CAMKK2: variants seen among roughly 807,000 people sequenced by gnomAD.
The protein encoded by CAMKK2 is calcium/calmodulin-dependent protein kinase kinase 2.
Under a neutral mutation model 67.2 loss-of-function variants are expected in CAMKK2, and 30 were observed. That is an observed-to-expected ratio of 0.45 (90% confidence interval 0.33 to 0.61). The LOEUF (loss-of-function observed/expected upper bound fraction) is 0.61, where lower values mean the gene tolerates loss of function less well. Ranked by LOEUF, CAMKK2 falls within the 20% of genes least tolerant of loss-of-function variation. The probability of loss-of-function intolerance (pLI) is 0.02; values close to 1 mark genes in which losing one functional copy is unlikely to be tolerated. For synonymous variants in CAMKK2, 322 were observed against 326.2 expected (o/e 0.99, Z 0.14); for missense variants, 643 against 802.0 (o/e 0.80, Z 2.39).
chr12:121,240,622 ATGCTGCTATGGAAACGCGG>A lies in CAMKK2; in HGVS notation c.*58_*76del. The A allele has an allele frequency of 4.6e-6, 7 of 1,534,810 alleles. No individual in the cohort carries two copies. The highest frequency in any genetic ancestry group is 5.2e-6 in the Non-Finnish European group (6 of 1,146,688). On this transcript the variant is annotated 3_prime_UTR_variant, in exon 17 of 17. Transcript: ENST00000404169. This position sits in a 1 kb window ranked among gnomAD's most constrained non-coding sequence, Gnocchi z 4.4. The stretch of plus-strand genomic sequence containing the variant: ...CACACGTGCTGGGTTTCCGTAGGAC[ATGCTGCTATGGAAACGCGG>A]TGCAGCAGCCCCCCAGAGGCGACGC...
In CAMKK2 at chr12:121,270,958, G is replaced by A. The variant is rs1223727449; in HGVS notation, c.472-13C>T. On this transcript the variant is annotated splice_polypyrimidine_tract_variant and intron_variant, in intron 2 of 16. Coordinates refer to ENST00000404169, the MANE Select transcript of CAMKK2 (RefSeq NM_001270485.2). ...GCTGCACACAGTCCTAGAGAGTAAG[G>A]AGAGACACGTGCAAAATGAATTTTA... is the stretch of plus-strand genomic sequence containing the variant. 2 of 1,611,290 alleles carry A rather than the reference G, an allele frequency of 1.2e-6. No individual in the cohort carries two copies. Among genetic ancestry groups the A allele is most frequent in the Non-Finnish European group, 1.7e-6 (2 of 1,177,764 alleles).
intron 1 of CAMKK2, among the ~76,000 whole-genome samples, chr12:121,288,298 C>T (rs575491833): frequency 3.0e-4 from 45 of 152,334 alleles, no homozygotes; most frequent in Admixed American, 1.6e-3. Context: ...CCACAGGCAT[C>T]GGTGCCTGGG....
chr12:121,244,450 G>C lies in CAMKK2; in HGVS notation c.1596+123C>G, dbSNP rs1011856496. ...GGGTCTGGAGGCCCGCGGTGAGCCG[G>C]GCCACAGCAGCCCAGGCTGGAAGGA... On this transcript the variant is annotated intron_variant, in intron 16 of 16. Transcript: ENST00000404169. The C allele has an allele frequency of 1.0e-5, 10 of 958,864 alleles. No individual in the cohort carries two copies. The Admixed American group carries it at 2.3e-4, about 22-fold the overall frequency. 59.4% of individuals were successfully genotyped at this position (958,864 alleles called of 1,614,324 possible). A position where few individuals can be genotyped will look rare whatever the true frequency, so the allele number is the denominator to read the frequency against.
chr12:121,256,697 G>A (rs563175642), intron 7 of CAMKK2, among the ~76,000 whole-genome samples: 18 of 152,226 alleles, frequency 1.2e-4, no homozygotes, highest in South Asian at 6.2e-4. Flanking sequence ...TCATTAGCAC[G>A]TTTTTAAGGT....
At chr12:121,284,204 T>A (rs1415112974) in intron 1 of CAMKK2, among the ~76,000 whole-genome samples, 1 of 152,286 alleles carries the variant, frequency 6.6e-6, no homozygotes, top group Non-Finnish European at 1.5e-5. Context: ...GACCATTTCA[T>A]TCCACCAATG....
intron 5 of CAMKK2, among the ~76,000 whole-genome samples, 180 bp from the exon 6 acceptor site, chr12:121,264,119 G>A (rs1195292208): frequency 1.3e-5 from 2 of 152,172 alleles, no homozygotes; most frequent in African/African-American, 4.8e-5. Flanking sequence ...GCTGCTGGAA[G>A]TGAGTGAGGG....
In CAMKK2 at chr12:121,245,819, G is replaced by A. The variant is rs974291783; in HGVS notation, c.1453-579C>T. On this transcript the variant is annotated intron_variant, in intron 14 of 16. Coordinates refer to ENST00000404169, the MANE Select transcript of CAMKK2 (RefSeq NM_001270485.2). The surrounding 1 kb of genome is among the most constrained non-coding windows in gnomAD (Gnocchi z 5.8). Reference sequence around the variant, plus strand: ...TTTGCTGCTAACAAGAAAAATAAGTGTTTAAGAAACACTGATTTACCAAAA... The same window carrying A: ...TTTGCTGCTAACAAGAAAAATAAGTATTTAAGAAACACTGATTTACCAAAA... Among the ~76,000 whole-genome samples the A allele has an allele frequency of 1.3e-5, 2 of 152,196 alleles. No homozygotes were observed. The highest frequency in any genetic ancestry group is 2.4e-5 in the African/African-American group (1 of 41,438).
chr12:121,248,761 G>A (rs1177319227), intron 13 of CAMKK2, 27 bp from the exon 14 acceptor site: 1 of 1,613,154 alleles, frequency 6.2e-7, no homozygotes, highest in Non-Finnish European at 8.5e-7. Flanking sequence ...GAGGGGTGAG[G>A]GGCAGGTGTG....
Position 121,253,393 on chromosome 12 carries a change from A to T in CAMKK2, c.987T>A (p.Ala329=). Residue 329 remains alanine, a synonymous_variant, in exon 10 of 17, where the codon GCT becomes GCA. Transcript: ENST00000404169. This position sits in a 1 kb window ranked among gnomAD's most constrained non-coding sequence, Gnocchi z 5.0. ...LVGEDGHIKI[A]DFGVSNEFKG... is the part of the protein sequence containing the mutation. ...TGAATTCATTGCTCACACCAAAGTC[A>T]GCGATCTTGATGTGCCCATCTTCTC... 1 of 1,614,154 alleles carries T rather than the reference A, an allele frequency of 6.2e-7. No homozygotes were observed. The highest frequency in any genetic ancestry group is 8.5e-7 in the Non-Finnish European group (1 of 1,180,004).
intron 16 of CAMKK2, among the ~76,000 whole-genome samples, chr12:121,242,470 G>A (rs535283867): frequency 2.8e-4 from 43 of 152,324 alleles, no homozygotes; most frequent in South Asian, 1.0e-3. Context: ...GAGGAAGGCC[G>A]AGGAAAGGCC....
upstream of CAMKK2, chr12:121,297,808 G>T (rs982470343): frequency 8.9e-6 from 4 of 448,928 alleles, no homozygotes; most frequent in East Asian, 2.8e-4. Context: ...TTTCTAGGCC[G>T]TAGGGACACT....
intron 1 of CAMKK2, among the ~76,000 whole-genome samples, chr12:121,293,581 C>A (rs1900543162): frequency 6.6e-6 from 1 of 151,916 alleles, no homozygotes; most frequent in African/African-American, 2.4e-5. Flanking sequence ...TTGGCCTGCC[C>A]CACTTGGCCT....
In CAMKK2 at chr12:121,245,151, T is replaced by A; in HGVS notation, c.1542A>T (p.Gly514=). The stretch of plus-strand genomic sequence containing the variant: ...AGGCGGCCACTCACGTGAGCAAGTT[T>A]CCAGGCGCTGACAGTGAGCGTTCCT... The part of the protein sequence containing the change: ...RREERSLSAP[G]NLLTKKPTRE... The change falls in exon 15 of 17, where the codon GGA becomes GGT. Residue 514 remains glycine (G), a synonymous_variant. Coordinates refer to ENST00000404169, the MANE Select transcript of CAMKK2 (RefSeq NM_001270485.2). This position sits in a 1 kb window ranked among gnomAD's most constrained non-coding sequence, Gnocchi z 5.8. 2.5e-6 allele frequency: 4 copies of A among 1,601,302 alleles called. No individual in the cohort carries two copies. The highest frequency in any genetic ancestry group is 2.6e-6 in the Non-Finnish European group (3 of 1,173,194).
At chr12:121,260,448 G>A in intron 6 of CAMKK2, 93 bp from the exon 7 acceptor site, 1 of 1,175,620 alleles carries the variant, frequency 8.5e-7, no homozygotes, top group Middle Eastern at 1.9e-4. Context: ...CATCCACGTG[G>A]CTGCGTTTGC....
chr12:121,243,947 C>G, intron 16 of CAMKK2: 1 of 1,448,108 alleles, frequency 6.9e-7, no homozygotes, highest in East Asian at 2.6e-5. Context: ...GCAGGGGTGC[C>G]CAGCAGGTTC....
chr12:121,287,132 C>G (rs1898904899), intron 1 of CAMKK2, among the ~76,000 whole-genome samples: 2 of 152,076 alleles, frequency 1.3e-5, no homozygotes, highest in Non-Finnish European at 2.9e-5. Flanking sequence ...TCTCAAACTC[C>G]TGGGCTCAAG....
At chr12:121,264,716 G>A (rs1894171579) in intron 5 of CAMKK2, among the ~76,000 whole-genome samples, 1 of 151,938 alleles carries the variant, frequency 6.6e-6, no homozygotes, top group Non-Finnish European at 1.5e-5. Flanking sequence ...GGAGCTTGCA[G>A]TGAGCCAAGA....
At chr12:121,249,907 C>T (rs200594169) in intron 12 of CAMKK2, 33 bp from the exon 13 acceptor site, 11 of 1,612,868 alleles carry the variant, frequency 6.8e-6, no homozygotes, top group African/African-American at 2.7e-5. Flanking sequence ...GTGGCAGACA[C>T]GGGACCGCCA....
chr12:121,273,264 A>G (rs11833799), intron 2 of CAMKK2, among the ~76,000 whole-genome samples: 7,377 of 151,930 alleles, frequency 0.049, 566 homozygotes, highest in African/African-American at 0.17. Context: ...CAAAGTTGGC[A>G]TGGGGTGGTG....
Sources: gnomAD v4.1 joint callset for allele counts (sites outside exome capture counted in the v4.1 genomes callset) on GRCh38, gnomAD v4.1.1 for gene constraint, Gnocchi (gnomAD v3.1) non-coding constraint, MANE v1.5 for transcripts, NCBI Gene and HGNC (gene_info 2026-07-23, HGNC 2026-07-21) for gene names.